Variants in UBE2O observed in about 807,000 individuals in gnomAD.
UBE2O encodes (E3-independent) E2 ubiquitin-conjugating enzyme.
In UBE2O, 15 loss-of-function variants were observed where a neutral mutation model predicts 125.8. That is an observed-to-expected ratio of 0.12 (90% CI 0.08 to 0.18). The LOEUF is 0.18. Among genes scored for constraint, UBE2O ranks in the 10% least tolerant of loss-of-function variants. UBE2O has a pLI of 1.00. For synonymous variants in UBE2O, 708 were observed against 703.2 expected (o/e 1.01, Z -0.11); for missense variants, 1,280 against 1,723.6 (o/e 0.74, Z 4.56).
At chr17:76,421,302 G>C (rs1295986243) in intron 1 of UBE2O, among the ~76,000 whole-genome samples, 1 of 152,144 alleles carries the variant, frequency 6.6e-6, no homozygotes. Context: ...TCCAGATACT[G>C]AAACACTGGA....
chr17:76,452,924 G>T lies in UBE2O; in HGVS notation c.218C>A (p.Ser73Tyr). 6.7e-7 allele frequency: 1 copy of T among 1,499,726 alleles called. No homozygotes were observed. 92.9% of individuals were successfully genotyped at this position (1,499,726 alleles called of 1,614,324 possible). ...HDLVSGRYRG[S>Y]VHFGLVRLIH... Reference sequence around the variant, plus strand: ...GAGGCGCACCAGCCCGAAGTGCACGGAGCCACGGTAACGGCCCGACACCAG... The same window carrying T: ...GAGGCGCACCAGCCCGAAGTGCACGTAGCCACGGTAACGGCCCGACACCAG... The change falls in exon 1 of 18, where the codon TCC (serine) becomes TAC (tyrosine). Residue 73 changes from serine (S) to tyrosine (Y), a missense_variant. Transcript: ENST00000319380. The surrounding 1 kb of genome is among the most constrained non-coding windows in gnomAD (Gnocchi z 4.4).
chr17:76,415,886 TAC>T (rs2072595961), intron 1 of UBE2O, among the ~76,000 whole-genome samples: 1 of 151,476 alleles, frequency 6.6e-6, no homozygotes, highest in Non-Finnish European at 1.5e-5. Context: ...CAAATATATG[TAC>T]ATACACGTAT....
intron 1 of UBE2O, among the ~76,000 whole-genome samples, chr17:76,432,612 C>T (rs2072923179): frequency 2.0e-5 from 3 of 152,102 alleles, no homozygotes; most frequent in Non-Finnish European, 4.4e-5. Context: ...GGGGTTAAAT[C>T]CCAACATAAT....
chr17:76,390,412 A>T lies in UBE2O; in HGVS notation c.*531T>A, dbSNP rs1386080907. ...GTCAGTGACAGCAGCTACAACTCCC[A>T]AGGGATAGTGTTGACGCTGGAGGAC... On this transcript the variant is annotated 3_prime_UTR_variant, in exon 18 of 18. Coordinates refer to ENST00000319380, the MANE Select transcript of UBE2O (RefSeq NM_022066.4). 6.5e-6 allele frequency: 1 copy of T among 153,860 alleles called. No individual in the cohort carries two copies. Among genetic ancestry groups the T allele is most frequent in the Non-Finnish European group, 1.4e-5 (1 of 69,212 alleles). The allele number at this position is 153,860 out of a possible 1,614,324, so 9.5% of individuals were successfully genotyped here.
intron 1 of UBE2O, among the ~76,000 whole-genome samples, chr17:76,424,408 C>A (rs2072768578): frequency 6.6e-6 from 1 of 150,492 alleles, no homozygotes; most frequent in East Asian, 2.0e-4. Context: ...AGGGTTTCAC[C>A]ATATTGGCCA....
rs1416132306 is a variant in UBE2O at position 76,398,252 on chromosome 17, T to C, written c.2025+3A>G. The C allele has an allele frequency of 1.2e-6, 2 of 1,614,134 alleles. No homozygotes were observed. Among genetic ancestry groups the C allele is most frequent in the Non-Finnish European group, 1.7e-6 (2 of 1,180,000 alleles). On this transcript the variant is annotated splice_donor_region_variant and intron_variant, in intron 12 of 17. Coordinates refer to ENST00000319380, the MANE Select transcript of UBE2O (RefSeq NM_022066.4). This position sits in a 1 kb window ranked among gnomAD's most constrained non-coding sequence, Gnocchi z 5.4. ...CATCCAGAACTTGAATTTGAAGGCGTACCTCATCCTCCTTGTGAGGAGCCC... is the reference window on the plus strand; with the variant it reads ...CATCCAGAACTTGAATTTGAAGGCGCACCTCATCCTCCTTGTGAGGAGCCC...
At chr17:76,432,370 G>T (rs563708121) in intron 1 of UBE2O, among the ~76,000 whole-genome samples, 1 of 152,302 alleles carries the variant, frequency 6.6e-6, no homozygotes, top group South Asian at 2.1e-4. Flanking sequence ...GAAATAGATT[G>T]TATGGTCTCC....
rs746621547 is a variant in UBE2O at position 76,399,195 on chromosome 17, G to C, written c.1629-204C>G. 3.9e-6 allele frequency: 3 copies of C among 765,200 alleles called. No individual in the cohort carries two copies. Among genetic ancestry groups the C allele is most frequent in the South Asian group, 1.8e-5 (1 of 54,140 alleles). The allele number at this position is 765,200 out of a possible 1,614,324, so 47.4% of individuals were successfully genotyped here. Reference sequence around the variant, plus strand: ...TTCTCTGAGAACAGGATCCACTTGGGAGAGCTCAGGCAAATGTGGTTCCAG... The same window carrying C: ...TTCTCTGAGAACAGGATCCACTTGGCAGAGCTCAGGCAAATGTGGTTCCAG... On this transcript the variant is annotated intron_variant, in intron 9 of 17. Coordinates refer to ENST00000319380, the MANE Select transcript of UBE2O (RefSeq NM_022066.4). This position sits in a 1 kb window ranked among gnomAD's most constrained non-coding sequence, Gnocchi z 6.9.
chr17:76,411,820 G>T (rs1019313651), intron 1 of UBE2O, among the ~76,000 whole-genome samples: 1 of 152,100 alleles, frequency 6.6e-6, no homozygotes, highest in African/African-American at 2.4e-5. Context: ...TGAGTAGCTG[G>T]GACTACAGGC....
rs1429047953 is a variant in UBE2O at position 76,389,561 on chromosome 17, C to T, written c.*1382G>A. ...AGTAAAAAAAAGTTTAATCACACAG[C>T]ACTTTATACAGATATCGTAAGCAGT... is the stretch of plus-strand genomic sequence containing the variant. On this transcript the variant is annotated 3_prime_UTR_variant, in exon 18 of 18. Coordinates refer to ENST00000319380, the MANE Select transcript of UBE2O (RefSeq NM_022066.4). 1 of 150,676 alleles carries T rather than the reference C, an allele frequency of 6.6e-6. No homozygotes were observed. The highest frequency in any genetic ancestry group is 1.5e-5 in the Non-Finnish European group (1 of 67,764). The allele number at this position is 150,676 out of a possible 1,614,324, so 9.3% of individuals were successfully genotyped here. A position where few individuals can be genotyped will look rare whatever the true frequency, so the allele number is the denominator to read the frequency against.
At position 76,400,248 on chromosome 17, in the gene UBE2O, G is replaced by A. The variant is rs866617681; in HGVS notation, c.1054C>T (p.Arg352Cys). 1 of 1,613,944 alleles carries A rather than the reference G, an allele frequency of 6.2e-7. No homozygotes were observed. The highest frequency in any genetic ancestry group is 8.5e-7 in the Non-Finnish European group (1 of 1,180,000). ...FDHAQRQLGE[R>C]CLYVFPAKVE... is the part of the protein sequence containing the mutation. ...TTGGCTGGGAAGACATACAGACAGC[G>A]CTCCCCAAGCTGCCGCTGAGCATGG... Residue 352 changes from arginine to cysteine, a missense_variant, in exon 8 of 18, where the codon CGC (arginine) becomes TGC (cysteine). Transcript: ENST00000319380. The surrounding 1 kb of genome is among the most constrained non-coding windows in gnomAD (Gnocchi z 4.3).
At position 76,452,778 on chromosome 17, in the gene UBE2O, C is replaced by T; in HGVS notation, c.364G>A (p.Val122Met). 6.6e-7 allele frequency: 1 copy of T among 1,522,508 alleles called. No individual in the cohort carries two copies. 94.3% of individuals were successfully genotyped at this position (1,522,508 alleles called of 1,614,324 possible). Residue 122 changes from valine to methionine, a missense_variant, in exon 1 of 18, where the codon GTG becomes ATG. This residue lies in a region of UBE2O where 188 missense variants were observed against 192.5 expected (regional missense o/e 0.98). Coordinates refer to ENST00000319380, the MANE Select transcript of UBE2O (RefSeq NM_022066.4). This position sits in a 1 kb window ranked among gnomAD's most constrained non-coding sequence, Gnocchi z 4.4. The part of the protein sequence containing the change: ...GRASPLRRGY[V>M]RVQWYPEGVK... ...CCCTCCGGGTACCACTGGACGCGCACGTAGCCGCGGCGCAGGGGGCTGGCC... is the reference window on the plus strand; with the variant it reads ...CCCTCCGGGTACCACTGGACGCGCATGTAGCCGCGGCGCAGGGGGCTGGCC...
chr17:76,418,874 A>G (rs2072660102), intron 1 of UBE2O, among the ~76,000 whole-genome samples: 1 of 152,170 alleles, frequency 6.6e-6, no homozygotes, highest in African/African-American at 2.4e-5. Context: ...TGTCCGGAAC[A>G]GATTTTAAGG....
At chr17:76,394,000 C>T (rs1035360418) in intron 15 of UBE2O, among the ~76,000 whole-genome samples, 5 of 152,354 alleles carry the variant, frequency 3.3e-5, no homozygotes, top group African/African-American at 4.8e-5. Flanking sequence ...TTTCCATCTT[C>T]CCTCAGCAGA....
chr17:76,426,191 A>G (rs2072807962), intron 1 of UBE2O, among the ~76,000 whole-genome samples: 1 of 152,110 alleles, frequency 6.6e-6, no homozygotes, highest in African/African-American at 2.4e-5. Context: ...TTTTGTAGAG[A>G]CAGGGTTTTG....
At position 76,452,933 on chromosome 17, in the gene UBE2O, T is replaced by A; in HGVS notation, c.209A>T (p.Tyr70Phe). The stretch of plus-strand genomic sequence containing the variant: ...CAGCCCGAAGTGCACGGAGCCACGG[T>A]AACGGCCCGACACCAGGTCGTGAGA... ...LFSHDLVSGR[Y>F]RGSVHFGLVR... The change falls in exon 1 of 18, where the codon TAC becomes TTC. Residue 70 changes from tyrosine to phenylalanine, a missense_variant. Physicochemically the swap from Tyr to Phe is conservative, Grantham distance 22 (BLOSUM62 3). Transcript: ENST00000319380. The surrounding 1 kb of genome is among the most constrained non-coding windows in gnomAD (Gnocchi z 4.4). 6.7e-7 allele frequency: 1 copy of A among 1,498,988 alleles called. No individual in the cohort carries two copies. The highest frequency in any genetic ancestry group is 1.3e-5 in the South Asian group (1 of 79,102). The allele number at this position is 1,498,988 out of a possible 1,614,324, so 92.9% of individuals were successfully genotyped here.
intron 1 of UBE2O, among the ~76,000 whole-genome samples, chr17:76,408,887 C>CG (rs766416215): frequency 6.6e-6 from 1 of 152,088 alleles, no homozygotes; most frequent in South Asian, 2.1e-4. Flanking sequence ...GATCTGGGGT[C>CG]GGGGGTGAAG....
In UBE2O at chr17:76,396,284, C is replaced by G. The variant is rs147349982; in HGVS notation, c.2653G>C (p.Val885Leu). 6.2e-4 allele frequency: 1,002 copies of G among 1,614,212 alleles called. 5 individuals are homozygous for G. In the African/African-American group the frequency reaches 0.01, roughly 17 times the overall value. Residue 885 changes from valine to leucine, a missense_variant, in exon 14 of 18, where the codon GTA (valine) becomes CTA (leucine). By Grantham distance (32) the Val-to-Leu change is conservative. Around this residue, in one of 10 missense-constraint regions of UBE2O, gnomAD observed 116 missense variants for 154.8 expected, o/e 0.75. Coordinates refer to ENST00000319380, the MANE Select transcript of UBE2O (RefSeq NM_022066.4). This position sits in a 1 kb window ranked among gnomAD's most constrained non-coding sequence, Gnocchi z 6.7. ...EEEKMEAVPD[V>L]ERKEDKPEGQ... is the part of the protein sequence containing the mutation. The stretch of plus-strand genomic sequence containing the variant: ...TCGGGCTTGTCCTCCTTGCGCTCTA[C>G]GTCGGGCACTGCTTCCATCTTCTCC...
intron 1 of UBE2O, among the ~76,000 whole-genome samples, chr17:76,449,631 A>G (rs2073203305): frequency 6.6e-6 from 1 of 151,756 alleles, no homozygotes. Flanking sequence ...AAAAAAAATA[A>G]GTTTCGGGCG....
Sources: allele counts gnomAD v4.1 joint callset (sites outside exome capture counted in the v4.1 genomes callset), GRCh38; gene constraint gnomAD v4.1.1; regional missense constraint gnomAD v4.1.1; non-coding constraint Gnocchi (gnomAD v3.1); transcripts MANE v1.5; gene names NCBI Gene and HGNC (gene_info 2026-07-23, HGNC 2026-07-21).